The following ENTPD4 variants were observed in gnomAD, a reference collection of about 807,000 sequenced individuals.
ENTPD4 encodes the protein ectonucleoside triphosphate diphosphohydrolase 4.
In ENTPD4, 60 loss-of-function variants were observed where a neutral mutation model predicts 79.1. The ratio of observed to expected loss-of-function variants is 0.76; its 90% CI spans 0.62 to 0.94. The LOEUF is 0.94. Ranked by LOEUF, ENTPD4 falls within the 40% of genes least tolerant of loss-of-function variation. ENTPD4 has a pLI of 0.00. For synonymous variants in ENTPD4, 276 were observed against 292.0 expected, an observed-to-expected ratio of 0.95 and a Z score of 0.56; for missense variants, 772 against 775.1, an observed-to-expected ratio of 1.00 and a Z score of 0.05.
rs780174046 is a variant in ENTPD4, at chr8:23,442,064, C to T, written c.670G>A (p.Val224Met). The change falls in exon 7 of 13, where the codon GTG (valine) becomes ATG (methionine). Residue 224 changes from valine to methionine, a missense_variant and splice_region_variant. By Grantham distance (21) the Val-to-Met change is conservative. Coordinates refer to ENST00000358689, the MANE Select transcript of ENTPD4 (RefSeq NM_004901.5). ...AEVISGKQEG[V>M]YAWIGINFVL... ...AAATTAATGCCAATCCAAGCATACA[C>T]ACCTATAGACATTTTACAGGGTGAA... is the stretch of plus-strand genomic sequence containing the variant. 1.2e-6 allele frequency: 2 copies of T among 1,611,668 alleles called. No individual in the cohort carries two copies. The highest frequency in any genetic ancestry group is 2.7e-5 in the African/African-American group (2 of 74,896).
chr8:23,439,834 CAT>C lies in ENTPD4; in HGVS notation c.962_963del (p.Tyr321CysfsTer33). On this transcript the variant is annotated frameshift_variant, in exon 9 of 13. Transcript: ENST00000358689. LOFTEE classifies it high-confidence loss of function. The stretch of plus-strand genomic sequence containing the variant: ...CCACCAAACCCAAGAAACGTGGCCA[CAT>C]AGACTCGATACACATGCTCAGTTTG... ...VHQTEHVYRV[Y>X]VATFLGFGGN... is the part of the protein sequence containing the mutation. The C allele has an allele frequency of 6.2e-7, 1 of 1,614,122 alleles. No homozygotes were observed. Among genetic ancestry groups the C allele is most frequent in the Non-Finnish European group, 8.5e-7 (1 of 1,179,964 alleles).
At chr8:23,435,326 G>A in intron 11 of ENTPD4, 66 bp downstream of exon 11, 1 of 1,126,526 alleles carries the variant, frequency 8.9e-7, no homozygotes. Flanking sequence ...GGTGTGGCAA[G>A]CCAGTGGGGC....
rs1289709102 is a variant in ENTPD4, at chr8:23,441,989, T to C, written c.727+18A>G. 2 of 1,607,266 alleles carry C rather than the reference T, an allele frequency of 1.2e-6. No homozygotes were observed. The highest frequency in any genetic ancestry group is 2.2e-5 in the South Asian group (2 of 90,782). ...CCAATTTCCAACTAGATACATTTGTTGGAACCATGACACTTACCATCTTCA... is the reference window on the plus strand; with the variant it reads ...CCAATTTCCAACTAGATACATTTGTCGGAACCATGACACTTACCATCTTCA... On this transcript the variant is annotated intron_variant, in intron 7 of 12. Transcript: ENST00000358689.
At position 23,430,891 on chromosome 8, in the gene ENTPD4, C is replaced by A. The variant is rs148740800; in HGVS notation, c.*2035G>T. ...AAGTGTCGCAGGCAGGTGGCCAAGA[C>A]CAACTTATTAGGTAGCCAGAAGCTC... On this transcript the variant is annotated 3_prime_UTR_variant, in exon 13 of 13. Coordinates refer to ENST00000358689, the MANE Select transcript of ENTPD4 (RefSeq NM_004901.5). 1.0e-6 allele frequency: 1 copy of A among 985,488 alleles called. No homozygotes were observed. Among genetic ancestry groups the A allele is most frequent in the African/African-American group, 1.7e-5 (1 of 57,350 alleles). The allele number at this position is 985,488 out of a possible 1,614,324, so 61.0% of individuals were successfully genotyped here.
rs370034228 is a variant in ENTPD4 at position 23,447,856 on chromosome 8, G to A, written c.236C>T (p.Ala79Val). 5 of 1,614,074 alleles carry A rather than the reference G, an allele frequency of 3.1e-6. No individual in the cohort carries two copies. The African/African-American group carries it at 4.0e-5, about 13-fold the overall frequency. ...RYLARVTDIE[A>V]TDTNNPNVNY... Reference sequence around the variant, plus strand: ...CACATTGGGGTTATTGGTGTCTGTAGCTTCAATGTCGGTAACTCGTGCCAG... The same window carrying A: ...CACATTGGGGTTATTGGTGTCTGTAACTTCAATGTCGGTAACTCGTGCCAG... The change falls in exon 4 of 13, where the codon GCT becomes GTT. Residue 79 changes from alanine (A) to valine (V), a missense_variant. Coordinates refer to ENST00000358689, the MANE Select transcript of ENTPD4 (RefSeq NM_004901.5).
intron 4 of ENTPD4, among the ~76,000 whole-genome samples, chr8:23,445,731 C>T (rs1001124192): frequency 2.6e-5 from 4 of 152,208 alleles, no homozygotes; most frequent in African/African-American, 9.7e-5. Context: ...ACTTGCCTGT[C>T]TCATTACAAC....
chr8:23,434,562 C>T lies in ENTPD4; in HGVS notation c.1461-84G>A. 4.5e-6 allele frequency: 7 copies of T among 1,565,802 alleles called. No individual in the cohort carries two copies. In the South Asian group the frequency reaches 7.2e-5, roughly 16 times the overall value. ...ACACACACACACACACAATCCTTCC[C>T]TCTGTGGGCAGCCTTGGGGCAGGGG... On this transcript the variant is annotated intron_variant, in intron 11 of 12. Coordinates refer to ENST00000358689, the MANE Select transcript of ENTPD4 (RefSeq NM_004901.5).
chr8:23,429,658 T>G lies in ENTPD4; in HGVS notation c.*3268A>C. On this transcript the variant is annotated 3_prime_UTR_variant, in exon 13 of 13. Coordinates refer to ENST00000358689, the MANE Select transcript of ENTPD4 (RefSeq NM_004901.5). ...TGTAAATATCTGTTTATCCAGAGTT[T>G]GTTAATCTAGAGTACACAGATGTGG... 1 of 985,394 alleles carries G rather than the reference T, an allele frequency of 1.0e-6. No homozygotes were observed. The highest frequency in any genetic ancestry group is 1.2e-6 in the Non-Finnish European group (1 of 829,894). 61.0% of individuals were successfully genotyped at this position (985,394 alleles called of 1,614,324 possible). A position where few individuals can be genotyped will look rare whatever the true frequency, so the allele number is the denominator to read the frequency against.
chr8:23,451,170 C>T lies in ENTPD4; in HGVS notation c.-97-1173G>A, dbSNP rs540378304. Among the ~76,000 whole-genome samples the T allele has an allele frequency of 2.5e-4, 38 of 151,992 alleles. No individual in the cohort carries two copies. In the South Asian group the frequency reaches 6.9e-3, roughly 28 times the overall value. ...CCGAGTAGCTGGGACTACAGGCGCC[C>T]GTCACCACTCCCAGTGAATTTTTGT... On this transcript the variant is annotated intron_variant, in intron 1 of 12. Coordinates refer to ENST00000358689, the MANE Select transcript of ENTPD4 (RefSeq NM_004901.5).
chr8:23,437,869 C>CTAAAAACAGA (rs1277290299), intron 9 of ENTPD4, among the ~76,000 whole-genome samples: 1 of 152,122 alleles, frequency 6.6e-6, no homozygotes, highest in Non-Finnish European at 1.5e-5. Flanking sequence ...AGGATGGAGT[C>CTAAAAACAGA]TAAAAACAGA....
rs1020585043 is a variant in ENTPD4 at position 23,429,914 on chromosome 8, T to C, written c.*3012A>G. ...TTGTGAAATGTCTGAGAACATCCCC[T>C]GGAGGAGGTTTAAAAGTGAGAAGCC... On this transcript the variant is annotated 3_prime_UTR_variant, in exon 13 of 13. Coordinates refer to ENST00000358689, the MANE Select transcript of ENTPD4 (RefSeq NM_004901.5). 2.7e-5 allele frequency: 27 copies of C among 985,342 alleles called. No individual in the cohort carries two copies. The East Asian group carries it at 6.8e-4, about 25-fold the overall frequency. The allele number at this position is 985,342 out of a possible 1,614,324, so 61.0% of individuals were successfully genotyped here. A position where few individuals can be genotyped will look rare whatever the true frequency, so the allele number is the denominator to read the frequency against.
At chr8:23,436,904 T>G in intron 10 of ENTPD4, 30 bp downstream of exon 10, 1 of 1,519,708 alleles carries the variant, frequency 6.6e-7, no homozygotes, top group Non-Finnish European at 8.9e-7. Context: ...CTCAAAAGCA[T>G]GCAGAGCAGA....
At chr8:23,451,060 C>T (rs1349548257) in intron 1 of ENTPD4, among the ~76,000 whole-genome samples, 9 of 144,424 alleles carry the variant, frequency 6.2e-5, no homozygotes, top group East Asian at 2.0e-4. Flanking sequence ...TTGCTCTTGT[C>T]GCCCAGGCTG....
chr8:23,440,548 G>A (rs944440923), intron 8 of ENTPD4, among the ~76,000 whole-genome samples: 4 of 152,082 alleles, frequency 2.6e-5, no homozygotes, highest in Non-Finnish European at 5.9e-5. Context: ...TTTATATTGA[G>A]AGGGAAAAAC....
intron 1 of ENTPD4, among the ~76,000 whole-genome samples, chr8:23,450,815 A>C (rs2117304847): frequency 6.6e-6 from 1 of 152,214 alleles, no homozygotes; most frequent in South Asian, 2.1e-4. Context: ...ACAGCCTATG[A>C]GCCATCTCTA....
chr8:23,450,338 T>A (rs1161335124), intron 1 of ENTPD4, among the ~76,000 whole-genome samples: 1 of 152,248 alleles, frequency 6.6e-6, no homozygotes, highest in Non-Finnish European at 1.5e-5. Context: ...ATAAGCTGAA[T>A]GTGAACCTGA....
intron 10 of ENTPD4, among the ~76,000 whole-genome samples, chr8:23,436,082 G>A (rs1800553635): frequency 6.6e-6 from 1 of 152,204 alleles, no homozygotes; most frequent in South Asian, 2.1e-4. Context: ...GGGAGCACAA[G>A]GAAAAAGCAC....
rs749789830 is a variant in ENTPD4, at chr8:23,431,410, T to C, written c.*1516A>G. The C allele has an allele frequency of 2.0e-6, 2 of 985,404 alleles. No individual in the cohort carries two copies. Among genetic ancestry groups the C allele is most frequent in the Non-Finnish European group, 2.4e-6 (2 of 829,918 alleles). The allele number at this position is 985,404 out of a possible 1,614,324, so 61.0% of individuals were successfully genotyped here. A position where few individuals can be genotyped will look rare whatever the true frequency, so the allele number is the denominator to read the frequency against. On this transcript the variant is annotated 3_prime_UTR_variant, in exon 13 of 13. Coordinates refer to ENST00000358689, the MANE Select transcript of ENTPD4 (RefSeq NM_004901.5). ...CAAAACAAACTCCACCTAAAAAAAC[T>C]GTACGAGAATTCCCCAAACTTCTCA...
chr8:23,447,554 G>C (rs773453337), intron 4 of ENTPD4, 126 bp downstream of exon 4: 7 of 746,028 alleles, frequency 9.4e-6, no homozygotes, highest in Non-Finnish European at 1.7e-5. Flanking sequence ...GAAACAAGGA[G>C]ACCCATCAGG....
Sources: allele counts gnomAD v4.1 joint callset (sites outside exome capture counted in the v4.1 genomes callset), GRCh38; gene constraint gnomAD v4.1.1; transcripts MANE v1.5; gene names NCBI Gene and HGNC (gene_info 2026-07-23, HGNC 2026-07-21).